RPH3AL: variants seen among roughly 807,000 people sequenced by gnomAD.
RPH3AL encodes the protein rab effector Noc2.
RPH3AL carries 38 observed loss-of-function variants against 43.1 expected under a neutral mutation model. That is an observed-to-expected ratio of 0.88 (90% CI 0.68 to 1.15). The LOEUF (loss-of-function observed/expected upper bound fraction) is 1.15, where lower values mean the gene tolerates loss of function less well. Among genes scored for constraint, RPH3AL ranks in the 50% most tolerant of loss-of-function variants. The pLI is 0.00. For missense variants in RPH3AL, 462 were observed against 423.2 expected, an observed-to-expected ratio of 1.09 and a Z score of -0.81; for synonymous variants, 189 against 176.3, an observed-to-expected ratio of 1.07 and a Z score of -0.57.
chr17:250,234 C>G (rs1808511281), intron 6 of RPH3AL, among the ~76,000 whole-genome samples: 2 of 134,156 alleles, frequency 1.5e-5, no homozygotes, highest in South Asian at 2.5e-4. Flanking sequence ...GCTGCGGGAC[C>G]TCTCAGAGCC....
At position 213,457 on chromosome 17, in the gene RPH3AL, A is replaced by C; in HGVS notation, c.*395T>G. 1 of 278,352 alleles carries C rather than the reference A, an allele frequency of 3.6e-6. No homozygotes were observed. Among genetic ancestry groups the C allele is most frequent in the Non-Finnish European group, 7.0e-6 (1 of 143,266 alleles). 17.2% of individuals were successfully genotyped at this position (278,352 alleles called of 1,614,324 possible). The stretch of plus-strand genomic sequence containing the variant: ...CACGCAGCTTCGGAGGCCGTGCCCT[A>C]GGTTTCATTTAGTCTTGCCATTAAT... On this transcript the variant is annotated 3_prime_UTR_variant, in exon 10 of 10. Coordinates refer to ENST00000331302, the MANE Select transcript of RPH3AL (RefSeq NM_006987.4).
intron 8 of RPH3AL, among the ~76,000 whole-genome samples, chr17:216,739 C>G (rs1420542912): frequency 2.6e-5 from 4 of 152,190 alleles, no homozygotes; most frequent in Admixed American, 2.6e-4. Flanking sequence ...GTTTTCATCT[C>G]TTGCACCATC....
chr17:302,755 A>C (rs1490442556), intron 5 of RPH3AL, among the ~76,000 whole-genome samples: 1 of 152,240 alleles, frequency 6.6e-6, no homozygotes, highest in East Asian at 1.9e-4. Context: ...ACAGCTCCTA[A>C]AACTGGAATT....
At chr17:226,554 G>T (rs2041111564) in intron 7 of RPH3AL, among the ~76,000 whole-genome samples, 1 of 152,202 alleles carries the variant, frequency 6.6e-6, no homozygotes, top group Non-Finnish European at 1.5e-5. Flanking sequence ...GCCCGCACCA[G>T]CCTTGGCATT....
intron 6 of RPH3AL, among the ~76,000 whole-genome samples, chr17:249,826 C>A (rs140035840): frequency 7.0e-6 from 1 of 143,400 alleles, no homozygotes; most frequent in Non-Finnish European, 1.5e-5. Flanking sequence ...TCCATCACTG[C>A]GGGACCTCTC....
Position 322,940 on chromosome 17 carries a change from A to T in RPH3AL, c.78-1525T>A, listed in dbSNP as rs1273799115. Among the ~76,000 whole-genome samples, 1 of 152,114 alleles carries T rather than the reference A, an allele frequency of 6.6e-6. No homozygotes were observed. Among genetic ancestry groups the T allele is most frequent in the Non-Finnish European group, 1.5e-5 (1 of 68,030 alleles). On this transcript the variant is annotated intron_variant, in intron 3 of 9. Transcript: ENST00000331302. This position sits in a 1 kb window ranked among gnomAD's most constrained non-coding sequence, Gnocchi z 4.0. ...CTTCCCAGATGCGAGACCTCGGATG[A>T]GGCTCTCACCCTTGGTTTTCTGATC...
rs530491613 is a variant in RPH3AL at position 263,691 on chromosome 17, A to T, written c.439-16406T>A. Among the ~76,000 whole-genome samples, 263 of 152,312 alleles carry T rather than the reference A, an allele frequency of 1.7e-3. 2 individuals carry two copies. Among genetic ancestry groups the T allele is most frequent in the Admixed American group, 3.0e-3 (46 of 15,296 alleles). On this transcript the variant is annotated intron_variant, in intron 6 of 9. Transcript: ENST00000331302. Reference sequence around the variant, plus strand: ...GGCACACTGAATCTGGATGTGGCTTAAGGGAGGAAAGCTGGTAGCTCAGGA... The same window carrying T: ...GGCACACTGAATCTGGATGTGGCTTTAGGGAGGAAAGCTGGTAGCTCAGGA...
Position 289,500 on chromosome 17 carries a change from G to A in RPH3AL, c.352-7646C>T, listed in dbSNP as rs992570874. Among the ~76,000 whole-genome samples, 1 of 152,180 alleles carries A rather than the reference G, an allele frequency of 6.6e-6. No individual in the cohort carries two copies. The highest frequency in any genetic ancestry group is 1.9e-4 in the East Asian group (1 of 5,172). On this transcript the variant is annotated intron_variant, in intron 5 of 9. Transcript: ENST00000331302. This position sits in a 1 kb window ranked among gnomAD's most constrained non-coding sequence, Gnocchi z 5.2. ...GCCCAGCAGATCTCTCTACCCCACCGCGCTGTCCTCCAGCTGGTTCCCGAC... is the reference window on the plus strand; with the variant it reads ...GCCCAGCAGATCTCTCTACCCCACCACGCTGTCCTCCAGCTGGTTCCCGAC...
rs1370110594 is a variant in RPH3AL, at chr17:261,385, C to G, written c.439-14100G>C. Among the ~76,000 whole-genome samples the G allele has an allele frequency of 2.0e-5, 3 of 152,336 alleles. No individual in the cohort carries two copies. In the East Asian group the frequency reaches 5.8e-4, roughly 29 times the overall value. On this transcript the variant is annotated intron_variant, in intron 6 of 9. Coordinates refer to ENST00000331302, the MANE Select transcript of RPH3AL (RefSeq NM_006987.4). ...CTGCCATGTGAGGGCACAGCGGGAA[C>G]ACAGCCAGCTGCAAGCCAGAAAGAG...
At chr17:258,629 G>A (rs12452527) in intron 6 of RPH3AL, among the ~76,000 whole-genome samples, 63,318 of 151,664 alleles carry the variant, frequency 0.42, 13,544 homozygotes, top group South Asian at 0.51. Flanking sequence ...GCAAAAATCC[G>A]TCTCCCACCC....
At chr17:316,995 C>A (rs199626995) in intron 5 of RPH3AL, among the ~76,000 whole-genome samples, 1 of 139,374 alleles carries the variant, frequency 7.2e-6, no homozygotes, top group Non-Finnish European at 1.6e-5. Context: ...TCCCTGTGAC[C>A]CCACCTCCAT....
intron 5 of RPH3AL, among the ~76,000 whole-genome samples, chr17:307,145 G>T (rs2043509449): frequency 6.7e-6 from 1 of 149,738 alleles, no homozygotes; most frequent in East Asian, 2.0e-4. Context: ...CCCCATGGCA[G>T]GTCCTCCCCA....
chr17:315,885 T>C (rs1555520353), intron 5 of RPH3AL, among the ~76,000 whole-genome samples: 10 of 148,918 alleles, frequency 6.7e-5, no homozygotes, highest in Non-Finnish European at 1.3e-4. Flanking sequence ...TCCATTGACC[T>C]GTAGTCCCTG....
intron 6 of RPH3AL, among the ~76,000 whole-genome samples, chr17:273,925 C>A (rs138372299): frequency 2.6e-5 from 4 of 152,270 alleles, no homozygotes; most frequent in Non-Finnish European, 5.9e-5. Context: ...CTAGGCCACC[C>A]CCCCTCAGAT....
chr17:291,080 G>A (rs2043037967), intron 5 of RPH3AL, among the ~76,000 whole-genome samples: 1 of 152,366 alleles, frequency 6.6e-6, no homozygotes, highest in Admixed American at 6.5e-5. Flanking sequence ...ACGCTGTGCT[G>A]TGGAGATGAA....
intron 5 of RPH3AL, among the ~76,000 whole-genome samples, chr17:302,828 G>A (rs2043362594): frequency 6.6e-6 from 1 of 152,198 alleles, no homozygotes. Context: ...AAAAGAAGAT[G>A]AAAAAAGGAG....
At chr17:332,949 A>T in intron 2 of RPH3AL, 1 of 1,172,542 alleles carries the variant, frequency 8.5e-7, no homozygotes, top group Non-Finnish European at 1.1e-6. Flanking sequence ...AGGGAACGGA[A>T]CAGGAGTTGC....
At chr17:315,557 C>G (rs1555520087) in intron 5 of RPH3AL, among the ~76,000 whole-genome samples, 102 of 151,690 alleles carry the variant, frequency 6.7e-4, no homozygotes, top group African/African-American at 2.3e-3. Flanking sequence ...GACCTGTAGT[C>G]CCTGTGCCCC....
chr17:312,605 G>C (rs946628320), intron 5 of RPH3AL, among the ~76,000 whole-genome samples: 4 of 152,220 alleles, frequency 2.6e-5, no homozygotes, highest in African/African-American at 9.6e-5. Flanking sequence ...TGTGGCCTCA[G>C]CAGGCAGGAC....
Sources: gnomAD v4.1 joint callset for allele counts (sites outside exome capture counted in the v4.1 genomes callset) on GRCh38, gnomAD v4.1.1 for gene constraint, Gnocchi (gnomAD v3.1) non-coding constraint, MANE v1.5 for transcripts, NCBI Gene and HGNC (gene_info 2026-07-23, HGNC 2026-07-21) for gene names.